CDC5L: variants seen among roughly 807,000 people sequenced by gnomAD.
CDC5L encodes the protein cell division cycle 5 like.
CDC5L carries 18 observed loss-of-function variants against 104.1 expected under a neutral mutation model. The ratio of observed to expected loss-of-function variants is 0.17; its 90% confidence interval spans 0.12 to 0.26. The LOEUF is 0.26. Among genes scored for constraint, CDC5L ranks in the 10% least tolerant of loss-of-function variants. CDC5L has a pLI of 1.00. For missense variants in CDC5L, 673 were observed against 956.9 expected, an observed-to-expected ratio of 0.70 and a Z score of 3.91; for synonymous variants, 331 against 322.7, an observed-to-expected ratio of 1.03 and a Z score of -0.28.
At chr6:44,399,482 T>C (rs1401004598) in intron 5 of CDC5L, among the ~76,000 whole-genome samples, 1 of 152,310 alleles carries the variant, frequency 6.6e-6, no homozygotes, top group East Asian at 1.9e-4. Context: ...CTTATGTTGG[T>C]GTATTTAATA....
At chr6:44,405,157 C>T (rs1000279680) in intron 6 of CDC5L, among the ~76,000 whole-genome samples, 3 of 152,048 alleles carry the variant, frequency 2.0e-5, no homozygotes, top group Non-Finnish European at 4.4e-5. Context: ...TTTTTAGTTT[C>T]TTTAAATCTC....
At chr6:44,395,757 T>C (rs905457316) in intron 4 of CDC5L, among the ~76,000 whole-genome samples, 26 of 152,172 alleles carry the variant, frequency 1.7e-4, no homozygotes, top group Non-Finnish European at 3.2e-4. Context: ...ATTTTACAAG[T>C]TCCCATGTGA....
chr6:44,441,046 A>G (rs1205490993), intron 14 of CDC5L, among the ~76,000 whole-genome samples: 1 of 152,106 alleles, frequency 6.6e-6, no homozygotes, highest in Non-Finnish European at 1.5e-5. Context: ...AATAAACATG[A>G]TTCTGTGATT....
chr6:44,446,189 GA>G (rs1281536374), intron 15 of CDC5L, among the ~76,000 whole-genome samples: 1 of 152,212 alleles, frequency 6.6e-6, no homozygotes, highest in Admixed American at 6.5e-5. Flanking sequence ...TCAGTGAGGG[GA>G]AACTAAACCA....
chr6:44,411,105 T>C (rs1791603393), intron 8 of CDC5L, among the ~76,000 whole-genome samples: 1 of 152,122 alleles, frequency 6.6e-6, no homozygotes, highest in Admixed American at 6.5e-5. Context: ...TTGCATAGTT[T>C]CTAAGTTTTT....
At chr6:44,426,435 A>C in intron 12 of CDC5L, 47 bp from the exon 13 acceptor site, 1 of 1,092,432 alleles carries the variant, frequency 9.2e-7, no homozygotes, top group Non-Finnish European at 1.4e-6. Flanking sequence ...TAACATTAAT[A>C]TATTATAGTG....
At chr6:44,417,520 T>C (rs983283882) in intron 8 of CDC5L, among the ~76,000 whole-genome samples, 2 of 152,126 alleles carry the variant, frequency 1.3e-5, no homozygotes, top group African/African-American at 2.4e-5. Context: ...TACCTCTTGA[T>C]GGAAGGAGTA....
At chr6:44,405,976 A>G (rs1353872748) in intron 6 of CDC5L, among the ~76,000 whole-genome samples, 1 of 151,346 alleles carries the variant, frequency 6.6e-6, no homozygotes, top group Non-Finnish European at 1.5e-5. Context: ...ATCTCAGCTC[A>G]CTGCAACCTC....
chr6:44,423,315 T>G lies in CDC5L; in HGVS notation c.1404+506T>G, dbSNP rs11572008. Among the ~76,000 whole-genome samples the G allele has an allele frequency of 2.7e-3, 404 of 152,326 alleles. 2 individuals are homozygous for G. Among genetic ancestry groups the G allele is most frequent in the African/African-American group, 9.4e-3 (390 of 41,580 alleles). ...CTAAAGCCAACTCTGAATGGATACATAAGAATTAAATAGATTAAGAACCTC... is the reference window on the plus strand; with the variant it reads ...CTAAAGCCAACTCTGAATGGATACAGAAGAATTAAATAGATTAAGAACCTC... On this transcript the variant is annotated intron_variant, in intron 10 of 15. Transcript: ENST00000371477.
At chr6:44,431,107 G>A (rs569175868) in intron 14 of CDC5L, among the ~76,000 whole-genome samples, 54 of 152,284 alleles carry the variant, frequency 3.5e-4, no homozygotes, top group Non-Finnish European at 5.6e-4. Flanking sequence ...GAGGAAATGA[G>A]CAGGAAAAAG....
intron 8 of CDC5L, among the ~76,000 whole-genome samples, chr6:44,414,795 G>GT (rs1464054852): frequency 1.3e-5 from 2 of 152,086 alleles, no homozygotes; most frequent in African/African-American, 4.8e-5. Context: ...ATGAAGTATA[G>GT]TTTAGCTATC....
chr6:44,423,746 ACTTT>A (rs1420667504), intron 10 of CDC5L, among the ~76,000 whole-genome samples: 2 of 152,182 alleles, frequency 1.3e-5, no homozygotes, highest in African/African-American at 2.4e-5. Flanking sequence ...CCAGGACTCT[ACTTT>A]CTTTCTTCTG....
intron 8 of CDC5L, among the ~76,000 whole-genome samples, chr6:44,414,428 G>A (rs1303173253): frequency 1.9e-3 from 133 of 69,700 alleles, no homozygotes; most frequent in South Asian, 9.2e-3. Context: ...GTGTGTGTGT[G>A]TGTATTTTTT....
chr6:44,419,618 T>G (rs762366717), intron 9 of CDC5L, 21 bp downstream of exon 9: 1 of 1,596,100 alleles, frequency 6.3e-7, no homozygotes, highest in Non-Finnish European at 8.6e-7. Flanking sequence ...TGAACACGTT[T>G]TTATTTTAGA....
rs551527326 is a variant in CDC5L at position 44,406,132 on chromosome 6, C to T, written c.759-191C>T. Among the ~76,000 whole-genome samples, 4 of 152,226 alleles carry T rather than the reference C, an allele frequency of 2.6e-5. No homozygotes were observed. In the South Asian group the frequency reaches 6.2e-4, roughly 24 times the overall value. On this transcript the variant is annotated intron_variant, in intron 6 of 15. Transcript: ENST00000371477. ...GGCCAGGCTGGTCTTGAACTCCTGA[C>T]CTCAGGTAATCCACCCACCTTGGCC...
At chr6:44,404,788 G>A (rs1791290042) in intron 6 of CDC5L, among the ~76,000 whole-genome samples, 1 of 152,034 alleles carries the variant, frequency 6.6e-6, no homozygotes, top group Non-Finnish European at 1.5e-5. Flanking sequence ...CACCTCCCAG[G>A]CTCAAGCAGT....
chr6:44,416,537 C>T (rs1170605834), intron 8 of CDC5L, among the ~76,000 whole-genome samples: 6 of 152,242 alleles, frequency 3.9e-5, no homozygotes, highest in Admixed American at 3.3e-4. Context: ...TACTTCACCT[C>T]TGTCACCTCT....
At chr6:44,430,639 C>A (rs138252813) in intron 14 of CDC5L, among the ~76,000 whole-genome samples, 27 of 149,526 alleles carry the variant, frequency 1.8e-4, no homozygotes, top group African/African-American at 6.7e-4. Flanking sequence ...GTGGTGCAAT[C>A]TTGGCTCACT....
intron 8 of CDC5L, among the ~76,000 whole-genome samples, chr6:44,409,077 A>G (rs1791513188): frequency 6.6e-6 from 1 of 152,204 alleles, no homozygotes; most frequent in African/African-American, 2.4e-5. Flanking sequence ...ACCAGAGAAT[A>G]TCCAAACCTA....
Sources: allele counts gnomAD v4.1 joint callset (sites outside exome capture counted in the v4.1 genomes callset), GRCh38; gene constraint gnomAD v4.1.1; transcripts MANE v1.5; gene names NCBI Gene and HGNC (gene_info 2026-07-23, HGNC 2026-07-21).